The following MYO1D variants were observed in gnomAD, a reference collection of about 807,000 sequenced individuals.
MYO1D encodes the protein unconventional myosin-Id.
In MYO1D, 83 loss-of-function variants were observed where a neutral mutation model predicts 122.0. The observed-to-expected ratio is 0.68, with a 90% CI of 0.57 to 0.82. The LOEUF is 0.82. Ranked by LOEUF, MYO1D falls within the 40% of genes least tolerant of loss-of-function variation. The pLI is 0.00. For synonymous variants in MYO1D, 464 were observed against 446.9 expected (o/e 1.04, Z -0.48); for missense variants, 1,157 against 1,269.5 (o/e 0.91, Z 1.35).
intron 21 of MYO1D, among the ~76,000 whole-genome samples, chr17:32,567,690 G>A (rs2087185891): frequency 6.6e-6 from 1 of 152,154 alleles, no homozygotes; most frequent in Non-Finnish European, 1.5e-5. Flanking sequence ...GGCCACTGTA[G>A]GGTCTCATTC....
chr17:32,764,936 A>C lies in MYO1D; in HGVS notation c.977T>G (p.Ile326Ser). ...TTGTTCTGTGTGCTGCTTGTCAATG[A>C]TGTCACGGCCTGTGGCCACAGTCCG... ...LYRTVATGRD[I>S]IDKQHTEQEA... Residue 326 changes from isoleucine (I) to serine (S), a missense_variant, in exon 8 of 22, where the codon ATC becomes AGC. Coordinates refer to ENST00000318217, the MANE Select transcript of MYO1D (RefSeq NM_015194.3). 1 of 1,614,188 alleles carries C rather than the reference A, an allele frequency of 6.2e-7. No individual in the cohort carries two copies. The highest frequency in any genetic ancestry group is 1.1e-5 in the South Asian group (1 of 91,084).
chr17:32,579,469 C>T (rs1300220158), intron 21 of MYO1D, among the ~76,000 whole-genome samples: 5 of 152,160 alleles, frequency 3.3e-5, no homozygotes, highest in Non-Finnish European at 7.3e-5. Context: ...CCCTATACTC[C>T]AGATTCTAGT....
rs1254944023 is a variant in MYO1D at position 32,678,269 on chromosome 17, T to C, written c.2122-18931A>G. On this transcript the variant is annotated intron_variant, in intron 16 of 21. Coordinates refer to ENST00000318217, the MANE Select transcript of MYO1D (RefSeq NM_015194.3). ...AAATATATTTCTTTTTTTTTTTCTTTTATTATACTTTACGTTTTAGGGTAC... is the reference window on the plus strand; with the variant it reads ...AAATATATTTCTTTTTTTTTTTCTTCTATTATACTTTACGTTTTAGGGTAC... 3.3e-5 allele frequency among the ~76,000 whole-genome samples: 5 copies of C among 152,254 alleles called. No individual in the cohort carries two copies. The East Asian group carries it at 9.7e-4, about 29-fold the overall frequency.
intron 14 of MYO1D, among the ~76,000 whole-genome samples, chr17:32,732,544 C>G (rs1440582937): frequency 6.6e-6 from 1 of 152,102 alleles, no homozygotes; most frequent in Non-Finnish European, 1.5e-5. Flanking sequence ...TGCTGGTCTC[C>G]TCTATGCTGA....
rs767955439 is a variant in MYO1D at position 32,755,557 on chromosome 17, C to T, written c.1402G>A (p.Asp468Asn). The change falls in exon 11 of 22, where the codon GAT (aspartate) becomes AAT (asparagine). Residue 468 changes from aspartate to asparagine, a missense_variant. Physicochemically the swap from Asp to Asn is conservative, Grantham distance 23. Transcript: ENST00000318217. ...DACMNVGKVT[D>N]EMFLEALNSK... is the part of the protein sequence containing the mutation. ...TTAAGTGCTTCAAGAAACATTTCAT[C>T]GGTGACTTTGCCGACATTCATGCAA... 4.3e-6 allele frequency: 7 copies of T among 1,613,986 alleles called. No individual in the cohort carries two copies. The highest frequency in any genetic ancestry group is 2.2e-5 in the East Asian group (1 of 44,884).
At chr17:32,670,602 C>A (rs2088703057) in intron 16 of MYO1D, among the ~76,000 whole-genome samples, 1 of 152,190 alleles carries the variant, frequency 6.6e-6, no homozygotes, top group African/African-American at 2.4e-5. Context: ...AGACTGAGAA[C>A]CTGTCTTCCC....
chr17:32,862,373 A>G (rs2091085117), intron 1 of MYO1D, among the ~76,000 whole-genome samples: 1 of 152,262 alleles, frequency 6.6e-6, no homozygotes, highest in African/African-American at 2.4e-5. Context: ...AGAAAAGAAT[A>G]AAGACAACGT....
chr17:32,734,035 C>T (rs1371018178), intron 14 of MYO1D, among the ~76,000 whole-genome samples: 1 of 152,052 alleles, frequency 6.6e-6, no homozygotes, highest in Non-Finnish European at 1.5e-5. Flanking sequence ...TGAGTAGTTG[C>T]CTCTCTTCTT....
chr17:32,874,524 G>C (rs1246937314), intron 1 of MYO1D, among the ~76,000 whole-genome samples: 2 of 152,092 alleles, frequency 1.3e-5, no homozygotes, highest in Non-Finnish European at 2.9e-5. Flanking sequence ...CTTTCTCCAG[G>C]TCTTCATTGA....
chr17:32,718,117 T>C (rs1244332843), intron 15 of MYO1D, among the ~76,000 whole-genome samples: 2 of 152,196 alleles, frequency 1.3e-5, no homozygotes, highest in Non-Finnish European at 2.9e-5. Flanking sequence ...AAAAGTTTAG[T>C]TTTTAAAAAA....
chr17:32,665,105 C>T (rs1344775192), intron 16 of MYO1D, among the ~76,000 whole-genome samples: 1 of 152,166 alleles, frequency 6.6e-6, no homozygotes, highest in African/African-American at 2.4e-5. Flanking sequence ...CATCAGATGG[C>T]TGACTTCCTC....
intron 10 of MYO1D, among the ~76,000 whole-genome samples, chr17:32,758,925 A>T (rs912075317): frequency 1.3e-5 from 2 of 152,142 alleles, no homozygotes; most frequent in South Asian, 4.1e-4. Context: ...GGAACAGTCC[A>T]CTGCATTACT....
intron 1 of MYO1D, among the ~76,000 whole-genome samples, chr17:32,846,036 G>A (rs562784188): frequency 2.6e-5 from 4 of 152,144 alleles, no homozygotes; most frequent in Non-Finnish European, 5.9e-5. Flanking sequence ...CCTGAAGGGT[G>A]ATAGAGTGAA....
At chr17:32,538,148 A>G (rs77155771) in intron 21 of MYO1D, among the ~76,000 whole-genome samples, 5,445 of 152,274 alleles carry the variant, frequency 0.036, 148 homozygotes, top group South Asian at 0.063. Flanking sequence ...TGCATCTTAT[A>G]GTAGATGGCA....
At chr17:32,744,652 T>C (rs1830623790) in intron 13 of MYO1D, among the ~76,000 whole-genome samples, 1 of 152,240 alleles carries the variant, frequency 6.6e-6, no homozygotes, top group African/African-American at 2.4e-5. Flanking sequence ...TTCTTCTTCA[T>C]GGACCTTCTT....
At chr17:32,857,566 C>G (rs904127712) in intron 1 of MYO1D, among the ~76,000 whole-genome samples, 3 of 137,716 alleles carry the variant, frequency 2.2e-5, no homozygotes, top group Middle Eastern at 7.8e-3. Context: ...GCCTGGACGA[C>G]AGAGCAAGAC....
intron 11 of MYO1D, among the ~76,000 whole-genome samples, chr17:32,752,899 TAAAA>T (rs1347186241): frequency 6.6e-6 from 1 of 152,136 alleles, no homozygotes; most frequent in African/African-American, 2.4e-5. Context: ...ATGGTAGTTC[TAAAA>T]ATAGAACTAC....
rs1240062277 is a variant in MYO1D, at chr17:32,876,979, C to T, written c.-107G>A. 1.1e-5 allele frequency: 6 copies of T among 534,586 alleles called. No individual in the cohort carries two copies. Among genetic ancestry groups the T allele is most frequent in the Non-Finnish European group, 1.6e-5 (6 of 368,248 alleles). 33.1% of individuals were successfully genotyped at this position (534,586 alleles called of 1,614,324 possible). ...GGGGCGAGGCCGCGCCGCGAGGCTA[C>T]GGGGAGGGGGCGCGCACGCCGCTCG... On this transcript the variant is annotated 5_prime_UTR_variant, in exon 1 of 22. Coordinates refer to ENST00000318217, the MANE Select transcript of MYO1D (RefSeq NM_015194.3).
At position 32,761,164 on chromosome 17, in the gene MYO1D, C is replaced by T. The variant is rs77776434; in HGVS notation, c.1036-537G>A. On this transcript the variant is annotated intron_variant, in intron 8 of 21. Coordinates refer to ENST00000318217, the MANE Select transcript of MYO1D (RefSeq NM_015194.3). ...ACTAAGCCACACATGGACAAAGGTG[C>T]CACACGCTAACACACATTCACATCC... Among the ~76,000 whole-genome samples the T allele has an allele frequency of 8.1e-4, 124 of 152,290 alleles. 3 individuals are homozygous for T. In the East Asian group the frequency reaches 0.022, roughly 26 times the overall value.
Sources: gnomAD v4.1 joint callset for allele counts (sites outside exome capture counted in the v4.1 genomes callset) on GRCh38, gnomAD v4.1.1 for gene constraint, MANE v1.5 for transcripts, NCBI Gene and HGNC (gene_info 2026-07-23, HGNC 2026-07-21) for gene names.